The following ZNF718 variants were observed in gnomAD, a reference collection of about 807,000 sequenced individuals.
The protein encoded by ZNF718 is zinc finger protein 718.
Under a neutral mutation model 2.6 loss-of-function variants are expected in ZNF718, and 3 were observed. That is an observed-to-expected ratio of 1.16 (90% CI 0.53 to 3.01). The LOEUF is 3.01. Ranked by LOEUF, ZNF718 falls within the 30% of genes most tolerant of loss-of-function variation. ZNF718 has a pLI of 0.03. For missense variants in ZNF718, 468 were observed against 230.0 expected, an observed-to-expected ratio of 2.03 and a Z score of -6.69; for synonymous variants, 135 against 77.9, an observed-to-expected ratio of 1.73 and a Z score of -3.86.
At chr4:140,933 C>T (rs1404883991) in intron 3 of ZNF718, among the ~76,000 whole-genome samples, 1 of 152,168 alleles carries the variant, frequency 6.6e-6, no homozygotes, top group East Asian at 1.9e-4. Context: ...TATCAGCATA[C>T]ATTTTGTCTG....
chr4:187,258 G>A (rs1280260927), intron 3 of ZNF718, among the ~76,000 whole-genome samples: 2 of 151,790 alleles, frequency 1.3e-5, no homozygotes, highest in African/African-American at 2.4e-5. Context: ...ACGGAGTCTC[G>A]CTCTGTAGCC....
Position 192,204 on chromosome 4 carries a change from G to A in ZNF718, c.227-8877G>A, listed in dbSNP as rs557145884. 1.8e-4 allele frequency among the ~76,000 whole-genome samples: 27 copies of A among 152,286 alleles called. No individual in the cohort carries two copies. In the South Asian group the frequency reaches 5.6e-3, roughly 32 times the overall value. On this transcript the variant is annotated intron_variant and NMD_transcript_variant, in intron 3 of 4. Transcript: ENST00000642529. ...CTCAGCTCGAGCCGGAACAAACGCAGACCAGAAGAGTGTGCAGTTGCAAAT... is the reference window on the plus strand; with the variant it reads ...CTCAGCTCGAGCCGGAACAAACGCAAACCAGAAGAGTGTGCAGTTGCAAAT...
chr4:157,754 G>A (rs184801479), intron 3 of ZNF718, among the ~76,000 whole-genome samples: 30 of 152,124 alleles, frequency 2.0e-4, no homozygotes, highest in African/African-American at 6.5e-4. Flanking sequence ...TGGCCTAACC[G>A]GTGGTTTATC....
chr4:167,523 C>T (rs566218611), downstream of ZNF718, among the ~76,000 whole-genome samples: 154 of 152,226 alleles, frequency 1.0e-3, no homozygotes, highest in Non-Finnish European at 2.0e-3. Context: ...TGTTTTATTT[C>T]ATTGAGCAGT....
At chr4:167,208 A>G (rs189798124), downstream of ZNF718, among the ~76,000 whole-genome samples, 2 of 152,120 alleles carry the variant, frequency 1.3e-5, no homozygotes, top group African/African-American at 2.4e-5. Context: ...CCATTGGTCT[A>G]TATCTCTGTT....
At chr4:165,305 G>A (rs1299709411), downstream of ZNF718, among the ~76,000 whole-genome samples, 1 of 152,118 alleles carries the variant, frequency 6.6e-6, no homozygotes, top group Non-Finnish European at 1.5e-5. Context: ...GTCATTTACT[G>A]TTCACATGTA....
chr4:165,522 G>A (rs1365401426), downstream of ZNF718, among the ~76,000 whole-genome samples: 1 of 152,154 alleles, frequency 6.6e-6, no homozygotes, highest in African/African-American at 2.4e-5. Flanking sequence ...TTCTAGGCCG[G>A]GTACAGTGGC....
At chr4:200,422 C>T (rs183392556) in intron 3 of ZNF718, among the ~76,000 whole-genome samples, 2 of 152,276 alleles carry the variant, frequency 1.3e-5, no homozygotes, top group Non-Finnish European at 2.9e-5. Flanking sequence ...GCATGTGCCA[C>T]CATGTCCAGC....
At chr4:176,172 C>T (rs1717342526) in intron 3 of ZNF718, among the ~76,000 whole-genome samples, 1 of 152,078 alleles carries the variant, frequency 6.6e-6, no homozygotes, top group Non-Finnish European at 1.5e-5. Context: ...CTAATGTCTG[C>T]CAATTCCTCC....
At chr4:126,984 C>T (rs1296641839) in intron 1 of ZNF718, among the ~76,000 whole-genome samples, 7 of 152,092 alleles carry the variant, frequency 4.6e-5, no homozygotes, top group African/African-American at 1.7e-4. Context: ...CCACCACACT[C>T]AGCTAATTTT....
At chr4:164,868 G>A (rs1245700977), downstream of ZNF718, among the ~76,000 whole-genome samples, 2 of 152,160 alleles carry the variant, frequency 1.3e-5, no homozygotes, top group Non-Finnish European at 2.9e-5. Context: ...AAAGTGATAG[G>A]TGTGTAATAG....
chr4:168,691 T>G (rs1717149881), downstream of ZNF718, among the ~76,000 whole-genome samples: 1 of 152,184 alleles, frequency 6.6e-6, no homozygotes, highest in Admixed American at 6.5e-5. Context: ...GTGGGATCGG[T>G]GGTGATATCC....
intron 3 of ZNF718, among the ~76,000 whole-genome samples, chr4:140,458 G>T (rs1553810104): frequency 6.6e-6 from 1 of 152,182 alleles, no homozygotes; most frequent in Non-Finnish European, 1.5e-5. Flanking sequence ...GAATGGCATT[G>T]TATCTATGCA....
exon 5 of ZNF718, chr4:202,173 C>T (rs1394042311): frequency 1.3e-5 from 2 of 152,200 alleles, no homozygotes; most frequent in African/African-American, 4.8e-5. Context: ...ACAGGGAAAC[C>T]TGTTTCACTT....
intron 3 of ZNF718, among the ~76,000 whole-genome samples, chr4:138,976 A>C (rs1227216361): frequency 3.9e-5 from 6 of 152,152 alleles, no homozygotes; most frequent in African/African-American, 1.2e-4. Context: ...CTTATTTATC[A>C]TCAGATTTTA....
At chr4:181,898 A>G (rs1210198604) in intron 3 of ZNF718, among the ~76,000 whole-genome samples, 1 of 152,156 alleles carries the variant, frequency 6.6e-6, no homozygotes, top group Non-Finnish European at 1.5e-5. Context: ...TCCCACCTAT[A>G]AGTGAGAACA....
intron 3 of ZNF718, among the ~76,000 whole-genome samples, chr4:179,004 G>A (rs879999436): frequency 3.3e-5 from 5 of 152,044 alleles, no homozygotes; most frequent in Non-Finnish European, 7.4e-5. Flanking sequence ...TTTTCTGAAC[G>A]TTGAAGAGAT....
intron 3 of ZNF718, among the ~76,000 whole-genome samples, chr4:147,515 A>G (rs1581441211): frequency 1.3e-5 from 2 of 152,152 alleles, no homozygotes; most frequent in East Asian, 3.9e-4. Flanking sequence ...ACCTGTAATC[A>G]GGGCATCAGA....
intron 3 of ZNF718, chr4:142,020 G>C (rs782480189): frequency 3.8e-6 from 2 of 519,866 alleles, no homozygotes; most frequent in East Asian, 1.1e-4. Context: ...TAAATCTTCT[G>C]AGAACATAGG....
Sources: allele counts gnomAD v4.1 joint callset (sites outside exome capture counted in the v4.1 genomes callset), GRCh38; gene constraint gnomAD v4.1.1; transcripts MANE v1.5; gene names NCBI Gene and HGNC (gene_info 2026-07-23, HGNC 2026-07-21).